The following NKAIN3 variants were observed in gnomAD, a reference collection of about 807,000 sequenced individuals.
NKAIN3 encodes sodium/potassium transporting ATPase interacting 3, also known as sodium/potassium-transporting ATPase subunit beta-1-interacting protein 3.
Under a neutral mutation model 30.2 loss-of-function variants are expected in NKAIN3, and 25 were observed. The observed-to-expected ratio is 0.83, with a 90% confidence interval of 0.60 to 1.16. NKAIN3 has a LOEUF of 1.16. NKAIN3 is among the 50% of genes most tolerant of loss of function. The probability of loss-of-function intolerance (pLI) is 0.00; values close to 1 mark genes in which losing one functional copy is unlikely to be tolerated. For missense variants in NKAIN3, 225 were observed against 254.1 expected (o/e 0.89, Z 0.78); for synonymous variants, 91 against 89.6 (o/e 1.02, Z -0.09).
At chr8:62,582,472 G>T (rs1384118820) in intron 2 of NKAIN3, among the ~76,000 whole-genome samples, 1 of 152,124 alleles carries the variant, frequency 6.6e-6, no homozygotes, top group Non-Finnish European at 1.5e-5. Context: ...TGGGGTATCT[G>T]CCTGTAGCCG....
chr8:62,375,366 C>T (rs1817040361), intron 1 of NKAIN3, among the ~76,000 whole-genome samples: 1 of 152,138 alleles, frequency 6.6e-6, no homozygotes, highest in African/African-American at 2.4e-5. Flanking sequence ...ATGTTTGAAA[C>T]CCACTGATAG....
At chr8:62,356,984 C>T (rs1451953360) in intron 1 of NKAIN3, among the ~76,000 whole-genome samples, 1 of 152,110 alleles carries the variant, frequency 6.6e-6, no homozygotes, top group Admixed American at 6.5e-5. Context: ...CACCTGTAGT[C>T]CCAGCTACTT....
intron 3 of NKAIN3, among the ~76,000 whole-genome samples, chr8:62,641,843 T>A (rs986666018): frequency 2.6e-5 from 4 of 152,150 alleles, no homozygotes; most frequent in African/African-American, 9.6e-5. Context: ...ATTGAAAGTC[T>A]TTTCTCTAAG....
chr8:62,856,815 T>C (rs1820073478), intron 4 of NKAIN3: 1 of 617,884 alleles, frequency 1.6e-6, no homozygotes, highest in African/African-American at 1.9e-5. Flanking sequence ...TGTCTTTCTC[T>C]GCACTATAGA....
At chr8:62,625,090 A>T (rs983464742) in intron 3 of NKAIN3, among the ~76,000 whole-genome samples, 1 of 151,832 alleles carries the variant, frequency 6.6e-6, no homozygotes, top group African/African-American at 2.4e-5. Context: ...GCCATATCTG[A>T]CTCTGGCTAT....
intron 1 of NKAIN3, among the ~76,000 whole-genome samples, chr8:62,570,301 T>C (rs1176741907): frequency 2.0e-5 from 3 of 152,198 alleles, no homozygotes; most frequent in Non-Finnish European, 2.9e-5. Flanking sequence ...TAAATTAATG[T>C]TTACAATTAA....
At chr8:62,300,417 G>T (rs1013139704) in intron 1 of NKAIN3, among the ~76,000 whole-genome samples, 1 of 151,950 alleles carries the variant, frequency 6.6e-6, no homozygotes, top group East Asian at 1.9e-4. Context: ...ATCATAATGA[G>T]TTTATCTACT....
intron 4 of NKAIN3, among the ~76,000 whole-genome samples, chr8:62,848,707 G>A (rs1365518574): frequency 1.3e-5 from 2 of 152,122 alleles, no homozygotes; most frequent in African/African-American, 4.8e-5. Context: ...ATACTATGTT[G>A]AATAGTAGTG....
intron 1 of NKAIN3, among the ~76,000 whole-genome samples, chr8:62,404,662 C>A (rs1804003870): frequency 6.6e-6 from 1 of 152,110 alleles, no homozygotes; most frequent in Non-Finnish European, 1.5e-5. Context: ...AACCATAAGT[C>A]AATTAAACTT....
At chr8:62,378,529 A>G (rs1817169067) in intron 1 of NKAIN3, among the ~76,000 whole-genome samples, 1 of 152,214 alleles carries the variant, frequency 6.6e-6, no homozygotes, top group Non-Finnish European at 1.5e-5. Flanking sequence ...TTCCTGGGCC[A>G]GATCCAGGGC....
At chr8:62,593,965 A>G (rs1333843426) in intron 3 of NKAIN3, among the ~76,000 whole-genome samples, 1 of 152,026 alleles carries the variant, frequency 6.6e-6, no homozygotes, top group African/African-American at 2.4e-5. Flanking sequence ...CTATAGGGAA[A>G]GCAAACATCC....
chr8:62,630,283 A>G (rs927630151), intron 3 of NKAIN3, among the ~76,000 whole-genome samples: 4 of 152,124 alleles, frequency 2.6e-5, no homozygotes, highest in African/African-American at 9.7e-5. Context: ...TTTGAGCAAG[A>G]AGTAGAGCCT....
At chr8:62,856,738 G>A (rs1439246101) in intron 4 of NKAIN3, 2 of 688,502 alleles carry the variant, frequency 2.9e-6, no homozygotes, top group Admixed American at 2.3e-5. Context: ...AACTGGTCAA[G>A]CTCTAGAATT....
intron 4 of NKAIN3, among the ~76,000 whole-genome samples, chr8:62,824,351 T>C (rs1295714007): frequency 6.6e-6 from 1 of 152,130 alleles, no homozygotes. Flanking sequence ...AGTATTCTCA[T>C]TGTTTCTCCT....
intron 1 of NKAIN3, among the ~76,000 whole-genome samples, chr8:62,302,007 A>G (rs1018038299): frequency 2.0e-5 from 3 of 152,228 alleles, no homozygotes; most frequent in Non-Finnish European, 2.9e-5. Flanking sequence ...TTGTAAAAGT[A>G]GCCTGAATGC....
intron 5 of NKAIN3, among the ~76,000 whole-genome samples, chr8:62,929,912 A>G (rs1822567092): frequency 6.6e-6 from 1 of 152,144 alleles, no homozygotes; most frequent in African/African-American, 2.4e-5. Context: ...GGCCCAAGAC[A>G]ATTCTTCCAA....
At chr8:62,459,350 G>T (rs562210439) in intron 1 of NKAIN3, among the ~76,000 whole-genome samples, 1 of 152,304 alleles carries the variant, frequency 6.6e-6, no homozygotes, top group South Asian at 2.1e-4. Context: ...TGAAATTTCA[G>T]CAGAGGCTTT....
chr8:62,632,572 G>A (rs933096041), intron 3 of NKAIN3, among the ~76,000 whole-genome samples: 3 of 151,996 alleles, frequency 2.0e-5, no homozygotes, highest in East Asian at 3.9e-4. Context: ...GCATGATCTC[G>A]GCTCACTGAA....
At chr8:62,826,857 T>C (rs1361982344) in intron 4 of NKAIN3, among the ~76,000 whole-genome samples, 2 of 152,250 alleles carry the variant, frequency 1.3e-5, no homozygotes, top group African/African-American at 4.8e-5. Flanking sequence ...TAATGAACTA[T>C]AGTCATTGTT....
Sources: allele counts gnomAD v4.1 joint callset (sites outside exome capture counted in the v4.1 genomes callset), GRCh38; gene constraint gnomAD v4.1.1; transcripts MANE v1.5; gene names NCBI Gene and HGNC (gene_info 2026-07-23, HGNC 2026-07-21).